LAMA4: variants seen among roughly 807,000 people sequenced by gnomAD.
The protein encoded by LAMA4 is laminin subunit alpha-4.
LAMA4 carries 127 observed loss-of-function variants against 207.1 expected under a neutral mutation model. That is an observed-to-expected ratio of 0.61 (90% CI 0.53 to 0.71). The LOEUF (loss-of-function observed/expected upper bound fraction) is 0.71. LAMA4 is among the 30% of genes least tolerant of loss of function. The pLI, the probability that LAMA4 is intolerant of heterozygous loss-of-function variation, is 0.00. For missense variants in LAMA4, 2,093 were observed against 2,246.5 expected, an observed-to-expected ratio of 0.93 and a Z score of 1.38; for synonymous variants, 761 against 816.0, an observed-to-expected ratio of 0.93 and a Z score of 1.15.
chr6:112,126,154 A>G (rs1778673856), intron 31 of LAMA4, among the ~76,000 whole-genome samples: 1 of 152,208 alleles, frequency 6.6e-6, no homozygotes, highest in Admixed American at 6.5e-5. Flanking sequence ...TAACCTTGAG[A>G]TTGAATGTTT....
At chr6:112,208,221 C>G (rs141490393) in intron 3 of LAMA4, among the ~76,000 whole-genome samples, 63 of 152,248 alleles carry the variant, frequency 4.1e-4, no homozygotes, top group African/African-American at 1.4e-3. Context: ...TTGCCTTAGT[C>G]ACACCGATGC....
intron 3 of LAMA4, among the ~76,000 whole-genome samples, chr6:112,214,447 G>T (rs1315894222): frequency 6.6e-6 from 1 of 151,966 alleles, no homozygotes; most frequent in Non-Finnish European, 1.5e-5. Context: ...CGCTCTGGGG[G>T]ATAGGAATGT....
At chr6:112,153,636 G>A (rs1234862008) in intron 16 of LAMA4, among the ~76,000 whole-genome samples, 1 of 152,108 alleles carries the variant, frequency 6.6e-6, no homozygotes. Context: ...AAGTCACTGT[G>A]TCATGAAGAC....
chr6:112,245,322 T>G (rs1402074871), intron 2 of LAMA4, among the ~76,000 whole-genome samples: 1 of 152,198 alleles, frequency 6.6e-6, no homozygotes, highest in Non-Finnish European at 1.5e-5. Flanking sequence ...TCTATAGTCC[T>G]AGCATCCCAG....
chr6:112,114,106 T>G lies in LAMA4; in HGVS notation c.5296A>C (p.Arg1766=). 1 of 1,614,018 alleles carries G rather than the reference T, an allele frequency of 6.2e-7. No individual in the cohort carries two copies. The highest frequency in any genetic ancestry group is 1.1e-5 in the South Asian group (1 of 91,076). The part of the protein sequence containing the change: ...GPLNPKPIDH[R]EPVFVGGVPE... ...ACACCTCCAACAAACACAGGCTCCCTGTGATCAATTGGTTTTGGATTCAGG... is the reference window on the plus strand; with the variant it reads ...ACACCTCCAACAAACACAGGCTCCCGGTGATCAATTGGTTTTGGATTCAGG... The change falls in exon 38 of 39, where the codon AGG becomes CGG. Residue 1766 remains arginine, a synonymous_variant. Transcript: ENST00000230538.
intron 12 of LAMA4, among the ~76,000 whole-genome samples, chr6:112,168,154 C>T (rs1243554976): frequency 7.3e-4 from 109 of 149,054 alleles, no homozygotes; most frequent in African/African-American, 2.4e-3. Context: ...GCTGAGATCG[C>T]GCCACTGCAC....
intron 3 of LAMA4, among the ~76,000 whole-genome samples, chr6:112,210,950 A>ATATATAG (rs1262488651): frequency 2.0e-5 from 3 of 152,186 alleles, no homozygotes; most frequent in Non-Finnish European, 4.4e-5. Context: ...AAATATTGGT[A>ATATATAG]TATATAGTCC....
chr6:112,121,820 A>C, intron 32 of LAMA4, 194 bp downstream of exon 32: 2 of 565,938 alleles, frequency 3.5e-6, no homozygotes, highest in African/African-American at 3.8e-5. Flanking sequence ...TGAACCTTAC[A>C]ATTGGAAAGT....
At chr6:112,152,080 T>G (rs1562666970) in intron 16 of LAMA4, among the ~76,000 whole-genome samples, 1 of 152,152 alleles carries the variant, frequency 6.6e-6, no homozygotes, top group Non-Finnish European at 1.5e-5. Context: ...TTTGCATCTC[T>G]TTTTGTGAGA....
chr6:112,193,422 T>C (rs1783233526), intron 5 of LAMA4, among the ~76,000 whole-genome samples: 1 of 151,574 alleles, frequency 6.6e-6, no homozygotes, highest in Admixed American at 6.6e-5. Flanking sequence ...TTTAAAGGAT[T>C]CCCTTTAAAG....
chr6:112,141,971 T>G, intron 20 of LAMA4, 148 bp downstream of exon 20: 2 of 767,588 alleles, frequency 2.6e-6, no homozygotes, highest in Non-Finnish European at 4.4e-6. Context: ...TTAGTCATTC[T>G]TTTAATTTTG....
chr6:112,179,976 C>A (rs1331376886), intron 9 of LAMA4: 1 of 525,980 alleles, frequency 1.9e-6, no homozygotes, highest in Admixed American at 2.0e-5. Context: ...TATTTGTGGT[C>A]ATTTTAAAAT....
intron 29 of LAMA4, 136 bp from the exon 30 acceptor site, chr6:112,130,176 C>G: frequency 1.4e-6 from 1 of 728,528 alleles, no homozygotes; most frequent in African/African-American, 1.8e-5. Context: ...AGTTGCCAAA[C>G]TCTTCATGAG....
intron 3 of LAMA4, among the ~76,000 whole-genome samples, chr6:112,207,525 C>A (rs1473533202): frequency 7.0e-6 from 1 of 142,110 alleles, no homozygotes; most frequent in Non-Finnish European, 1.5e-5. Context: ...GAGAAACCAA[C>A]CAACCAACCA....
chr6:112,165,351 C>A, intron 12 of LAMA4, 75 bp from the exon 13 acceptor site: 1 of 966,534 alleles, frequency 1.0e-6, no homozygotes, highest in South Asian at 1.3e-5. Context: ...CAGTAAATGT[C>A]AACTTGCTCT....
At chr6:112,163,136 T>C (rs1242756980) in intron 13 of LAMA4, among the ~76,000 whole-genome samples, 4 of 139,056 alleles carry the variant, frequency 2.9e-5, no homozygotes, top group African/African-American at 1.1e-4. Context: ...CACGCCTAGC[T>C]ATTTAAAAAA....
At chr6:112,236,581 C>T (rs1785938643) in intron 2 of LAMA4, 1 of 152,156 alleles carries the variant, frequency 6.6e-6, no homozygotes, top group African/African-American at 2.4e-5. Context: ...CTTCAAGCTA[C>T]AGGTAGAAGG....
chr6:112,130,349 C>T (rs1778966574), intron 29 of LAMA4, among the ~76,000 whole-genome samples: 1 of 144,800 alleles, frequency 6.9e-6, no homozygotes, highest in Non-Finnish European at 1.5e-5. Context: ...TAAAACAGAG[C>T]ATACCTTATG....
intron 2 of LAMA4, among the ~76,000 whole-genome samples, chr6:112,233,647 G>A (rs1278368684): frequency 1.3e-5 from 2 of 152,078 alleles, no homozygotes; most frequent in African/African-American, 4.8e-5. Context: ...GTAGATGTGC[G>A]GTTTGTGGAG....
Sources: gnomAD v4.1 joint callset for allele counts (sites outside exome capture counted in the v4.1 genomes callset) on GRCh38, gnomAD v4.1.1 for gene constraint, MANE v1.5 for transcripts, NCBI Gene and HGNC (gene_info 2026-07-23, HGNC 2026-07-21) for gene names.